The following MACO1 variants were observed in gnomAD, a reference collection of about 807,000 sequenced individuals.
MACO1 encodes the protein macoilin.
Under a neutral mutation model 78.7 loss-of-function variants are expected in MACO1, and 14 were observed. That is an observed-to-expected ratio of 0.18 (90% CI 0.12 to 0.28). The LOEUF (loss-of-function observed/expected upper bound fraction) is 0.28. Among genes scored for constraint, MACO1 ranks in the 10% least tolerant of loss-of-function variants. The pLI is 1.00. For missense variants in MACO1, 501 were observed against 799.0 expected (o/e 0.63, Z 4.50); for synonymous variants, 288 against 291.6 (o/e 0.99, Z 0.12).
chr1:25,474,283 A>G (rs1209154237), intron 6 of MACO1, among the ~76,000 whole-genome samples: 6 of 152,172 alleles, frequency 3.9e-5, no homozygotes, highest in African/African-American at 7.2e-5. Flanking sequence ...AGGGTCAAAC[A>G]AAACATGTTT....
Position 25,498,673 on chromosome 1 carries a change from A to T in MACO1, c.*207A>T. 2.1e-6 allele frequency: 1 copy of T among 467,866 alleles called. No individual in the cohort carries two copies. 29.0% of individuals were successfully genotyped at this position (467,866 alleles called of 1,614,324 possible). A position where few individuals can be genotyped will look rare whatever the true frequency, so the allele number is the denominator to read the frequency against. On this transcript the variant is annotated 3_prime_UTR_variant, in exon 11 of 11. Transcript: ENST00000374343. ...CTTGTAAATTTTTAGAAGACCTCACAGAACTTTACAGTTTATTTTTCTCGG... is the reference window on the plus strand; with the variant it reads ...CTTGTAAATTTTTAGAAGACCTCACTGAACTTTACAGTTTATTTTTCTCGG...
chr1:25,494,427 C>T (rs1293465320), intron 10 of MACO1, among the ~76,000 whole-genome samples: 1 of 152,078 alleles, frequency 6.6e-6, no homozygotes, highest in African/African-American at 2.4e-5. Context: ...GGTGAGCAGT[C>T]CGGCAGCCTT....
intron 6 of MACO1, among the ~76,000 whole-genome samples, chr1:25,481,107 T>G (rs1177207609): frequency 6.6e-6 from 1 of 151,750 alleles, no homozygotes; most frequent in Admixed American, 6.6e-5. Context: ...AATATTGTTA[T>G]TTTTAGTTTG....
intron 7 of MACO1, among the ~76,000 whole-genome samples, chr1:25,484,563 C>T (rs74063417): frequency 2.2e-3 from 331 of 152,234 alleles, no homozygotes; most frequent in African/African-American, 7.4e-3. Flanking sequence ...GTAAAATTGA[C>T]AAGAAGTAGT....
rs1357063996 is a variant in MACO1, at chr1:25,431,083, G to GC, written c.-10dup. 3.2e-6 allele frequency: 5 copies of GC among 1,574,704 alleles called. No homozygotes were observed. Among genetic ancestry groups the GC allele is most frequent in the Middle Eastern group, 1.7e-4 (1 of 5,940 alleles). Reference sequence around the variant, plus strand: ...ACGGCGGCGGCGGCGCGGGCACCCGGCCCCCCAGCGGGAGGATGAAGCGGC... The same window carrying GC: ...ACGGCGGCGGCGGCGCGGGCACCCGGCCCCCCCAGCGGGAGGATGAAGCGGC... On this transcript the variant is annotated 5_prime_UTR_variant, in exon 1 of 11. Transcript: ENST00000374343.
At chr1:25,461,970 G>A (rs1283349266) in intron 6 of MACO1, among the ~76,000 whole-genome samples, 2 of 152,166 alleles carry the variant, frequency 1.3e-5, no homozygotes, top group Non-Finnish European at 2.9e-5. Context: ...GGTTGGAGGA[G>A]GTCTTATCTT....
chr1:25,442,551 A>G (rs1342817579), intron 1 of MACO1, among the ~76,000 whole-genome samples: 1 of 152,234 alleles, frequency 6.6e-6, no homozygotes, highest in African/African-American at 2.4e-5. Context: ...CTAGATGATA[A>G]GCAGCTAGAG....
At position 25,499,171 on chromosome 1, in the gene MACO1, A is replaced by G. The variant is rs2043563983; in HGVS notation, c.*705A>G. The G allele has an allele frequency of 6.6e-6, 1 of 152,254 alleles. No homozygotes were observed. The highest frequency in any genetic ancestry group is 2.1e-4 in the South Asian group (1 of 4,838). The allele number at this position is 152,254 out of a possible 1,614,324, so 9.4% of individuals were successfully genotyped here. A position where few individuals can be genotyped will look rare whatever the true frequency, so the allele number is the denominator to read the frequency against. ...TCTTCACAGTGCCTTGGGAAAAGAC[A>G]TTTCAAGAGGAAACTTGATAATTTT... On this transcript the variant is annotated 3_prime_UTR_variant, in exon 11 of 11. Coordinates refer to ENST00000374343, the MANE Select transcript of MACO1 (RefSeq NM_018202.6).
At chr1:25,454,468 GTGTATA>G (rs2043100010) in intron 4 of MACO1, 86 bp downstream of exon 4, 4 of 145,138 alleles carry the variant, frequency 2.8e-5, no homozygotes, top group Non-Finnish European at 4.0e-5. Context: ...GTGTGTGTGT[GTGTATA>G]TATATATATA....
rs1383340070 is a variant in MACO1 at position 25,485,758 on chromosome 1, A to C, written c.1459A>C (p.Thr487Pro). 6.2e-7 allele frequency: 1 copy of C among 1,613,976 alleles called. No individual in the cohort carries two copies. Among genetic ancestry groups the C allele is most frequent in the Non-Finnish European group, 8.5e-7 (1 of 1,180,008 alleles). ...AAAGAGGAAGAAGTTAGAAGAAGCC[A>C]CTGCTGCCCGGGCTGTTGCGTTTGC... ...EKKRKKLEEA[T>P]AARAVAFAAA... Residue 487 changes from threonine to proline, a missense_variant, in exon 8 of 11, where the codon ACT becomes CCT. Thr to Pro is a conservative substitution (Grantham distance 38). This residue lies in a region of MACO1 where 163 missense variants were observed against 271.9 expected (regional missense o/e 0.60). Coordinates refer to ENST00000374343, the MANE Select transcript of MACO1 (RefSeq NM_018202.6). This position sits in a 1 kb window ranked among gnomAD's most constrained non-coding sequence, Gnocchi z 4.3.
chr1:25,482,434 C>T (rs1435709010), intron 6 of MACO1, among the ~76,000 whole-genome samples: 1 of 152,204 alleles, frequency 6.6e-6, no homozygotes, highest in Admixed American at 6.5e-5. Context: ...TCTATCCTTT[C>T]CTACTCTCTC....
chr1:25,463,656 T>C (rs915096754), intron 6 of MACO1, among the ~76,000 whole-genome samples: 2 of 152,204 alleles, frequency 1.3e-5, no homozygotes, highest in Non-Finnish European at 2.9e-5. Context: ...ATAAGGTTGG[T>C]TTAAAATTTT....
At position 25,461,933 on chromosome 1, in the gene MACO1, C is replaced by T. The variant is rs192156369; in HGVS notation, c.1154+3041C>T. Among the ~76,000 whole-genome samples, 805 of 152,180 alleles carry T rather than the reference C, an allele frequency of 5.3e-3. 6 individuals carry two copies. The highest frequency in any genetic ancestry group is 0.018 in the African/African-American group (744 of 41,498). On this transcript the variant is annotated intron_variant, in intron 6 of 10. Coordinates refer to ENST00000374343, the MANE Select transcript of MACO1 (RefSeq NM_018202.6). ...CAATGAAAGAGTTTAAAAGGAAAAG[C>T]CTCTATCTGAGCAGATTATCCAGCT...
intron 6 of MACO1, among the ~76,000 whole-genome samples, chr1:25,479,848 T>C (rs1200588609): frequency 6.6e-6 from 1 of 152,156 alleles, no homozygotes; most frequent in African/African-American, 2.4e-5. Context: ...TTATGGAAAA[T>C]GTCTAATAGT....
At chr1:25,445,824 A>T (rs555778154) in intron 1 of MACO1, among the ~76,000 whole-genome samples, 1 of 152,256 alleles carries the variant, frequency 6.6e-6, no homozygotes, top group South Asian at 2.1e-4. Flanking sequence ...ATTGTGGAAA[A>T]TATTTTTTAA....
chr1:25,445,751 A>G (rs1403991712), intron 1 of MACO1, among the ~76,000 whole-genome samples: 3 of 152,160 alleles, frequency 2.0e-5, no homozygotes, highest in East Asian at 1.9e-4. Flanking sequence ...TATTTGTATT[A>G]CAAAATACCG....
chr1:25,467,030 G>A (rs1197869943), intron 6 of MACO1, among the ~76,000 whole-genome samples: 7 of 152,210 alleles, frequency 4.6e-5, no homozygotes, highest in East Asian at 1.9e-4. Context: ...AGGCCAAGGC[G>A]GGTGGATCAC....
intron 9 of MACO1, among the ~76,000 whole-genome samples, chr1:25,490,881 AT>A (rs1292417495): frequency 6.6e-6 from 1 of 152,102 alleles, no homozygotes; most frequent in Non-Finnish European, 1.5e-5. Context: ...AGTAATTTTC[AT>A]TTTCTTCTTT....
At chr1:25,447,062 T>C (rs1383826069) in intron 2 of MACO1, among the ~76,000 whole-genome samples, 159 bp downstream of exon 2, 1 of 152,216 alleles carries the variant, frequency 6.6e-6, no homozygotes, top group East Asian at 1.9e-4. Context: ...ATTGATCAAA[T>C]AGTTACATTT....
Sources: gnomAD v4.1 joint callset for allele counts (sites outside exome capture counted in the v4.1 genomes callset) on GRCh38, gnomAD v4.1.1 for gene constraint, gnomAD v4.1.1 regional missense constraint, Gnocchi (gnomAD v3.1) non-coding constraint, MANE v1.5 for transcripts, NCBI Gene and HGNC (gene_info 2026-07-23, HGNC 2026-07-21) for gene names.